OTOG: variants seen among roughly 807,000 people sequenced by gnomAD.
OTOG encodes the protein otogelin.
Under a neutral mutation model 313.8 loss-of-function variants are expected in OTOG, and 296 were observed. That is an observed-to-expected ratio of 0.94 (90% CI 0.86 to 1.04). The LOEUF is 1.04. Ranked by LOEUF, OTOG falls within the 50% of genes least tolerant of loss-of-function variation. The pLI, the probability that OTOG is intolerant of heterozygous loss-of-function variation, is 0.00. For synonymous variants in OTOG, 1,533 were observed against 1,554.9 expected (o/e 0.99, Z 0.33); for missense variants, 3,948 against 3,840.1 (o/e 1.03, Z -0.74).
intron 47 of OTOG, among the ~76,000 whole-genome samples, chr11:17,635,914 T>A (rs1854254782): frequency 6.6e-6 from 1 of 151,906 alleles, no homozygotes; most frequent in Non-Finnish European, 1.5e-5. Context: ...GGGTGGGAGG[T>A]CCAGGCCTGT....
At position 17,559,928 on chromosome 11, in the gene OTOG, GGGAA is replaced by G. The variant is rs748854211; in HGVS notation, c.1342+282_1342+285del. Among the ~76,000 whole-genome samples, 633 of 150,798 alleles carry G rather than the reference GGGAA, an allele frequency of 4.2e-3. 3 individuals carry two copies. Among genetic ancestry groups the G allele is most frequent in the African/African-American group, 0.014 (570 of 40,852 alleles). On this transcript the variant is annotated intron_variant, in intron 12 of 55. Transcript: ENST00000399397. Reference sequence around the variant, plus strand: ...AGGAAGGAAGGAAAGAAGGAAGGGAGGGAAGGAAGGAAGGAAGGAGCAAACAATT... The same window carrying G: ...AGGAAGGAAGGAAAGAAGGAAGGGAGGGAAGGAAGGAAGGAGCAAACAATT...
rs146122543 is a variant in OTOG at position 17,560,026 on chromosome 11, C to T, written c.1342+364C>T. Reference sequence around the variant, plus strand: ...AACTGCAGCCTCTCGAGAGATTCATCAGGACATTTGATTTCATAGGGATAT... The same window carrying T: ...AACTGCAGCCTCTCGAGAGATTCATTAGGACATTTGATTTCATAGGGATAT... On this transcript the variant is annotated intron_variant, in intron 12 of 55. Coordinates refer to ENST00000399397, the MANE Select transcript of OTOG (RefSeq NM_001292063.2). 2.0e-5 allele frequency among the ~76,000 whole-genome samples: 3 copies of T among 152,300 alleles called. No homozygotes were observed. In the East Asian group the frequency reaches 5.8e-4, roughly 29 times the overall value.
chr11:17,611,392 C>T lies in OTOG; in HGVS notation c.6092C>T (p.Thr2031Ile), dbSNP rs545321215. 3.7e-4 allele frequency: 564 copies of T among 1,537,002 alleles called. 1 individual carries two copies. The highest frequency in any genetic ancestry group is 4.6e-4 in the Non-Finnish European group (528 of 1,137,616). ...VEGLAEALAT[T>I]TEANTSTTCV... ...GGTTTGGCGGAGGCTTTGGCAACTA[C>T]CACTGAGGCCAATACATCCACCACC... is the stretch of plus-strand genomic sequence containing the variant. Residue 2031 changes from threonine to isoleucine, a missense_variant, in exon 36 of 56, where the codon ACC becomes ATC. Thr to Ile is a moderately conservative substitution (Grantham distance 89, BLOSUM62 -1). Coordinates refer to ENST00000399397, the MANE Select transcript of OTOG (RefSeq NM_001292063.2).
intron 3 of OTOG, among the ~76,000 whole-genome samples, chr11:17,551,797 G>T (rs1851939881): frequency 6.6e-6 from 1 of 152,158 alleles, no homozygotes; most frequent in African/African-American, 2.4e-5. Flanking sequence ...CTAAGCCTTT[G>T]TTCCTCTGAG....
At chr11:17,592,941 C>G in intron 25 of OTOG, among the ~76,000 whole-genome samples, 1 of 152,144 alleles carries the variant, frequency 6.6e-6, no homozygotes, top group South Asian at 2.1e-4. Flanking sequence ...CACAATCATC[C>G]CTATTATATA....
At chr11:17,603,701 G>T (rs1853311707) in intron 32 of OTOG, among the ~76,000 whole-genome samples, 1 of 152,190 alleles carries the variant, frequency 6.6e-6, no homozygotes, top group Non-Finnish European at 1.5e-5. Context: ...GTGGCTGCAT[G>T]GAGGAGGTGT....
At position 17,645,648 on chromosome 11, in the gene OTOG, G is replaced by C; in HGVS notation, c.8541+5G>C. On this transcript the variant is annotated splice_donor_5th_base_variant and intron_variant, in intron 55 of 55. Transcript: ENST00000399397. ...GAATGCAGGAGCAGCACCCCTGTGC[G>C]TGGTGCCCACAAGGCAGTGGGGCAG... is the stretch of plus-strand genomic sequence containing the variant. 6.4e-7 allele frequency: 1 copy of C among 1,550,708 alleles called. No homozygotes were observed. Among genetic ancestry groups the C allele is most frequent in the Non-Finnish European group, 8.7e-7 (1 of 1,147,008 alleles).
At chr11:17,635,032 G>A (rs1854229441) in intron 45 of OTOG, 48 bp from the exon 46 acceptor site, 2 of 1,535,198 alleles carry the variant, frequency 1.3e-6, no homozygotes, top group East Asian at 4.9e-5. Flanking sequence ...GCCCAGGGGT[G>A]GCCAGGCAGG....
chr11:17,619,619 A>G (rs1021410358), intron 39 of OTOG, among the ~76,000 whole-genome samples: 10 of 152,106 alleles, frequency 6.6e-5, no homozygotes, highest in Admixed American at 6.5e-4. Flanking sequence ...CAGACTAGCT[A>G]CAAATAATAT....
At chr11:17,640,871 C>A in intron 50 of OTOG, 42 bp from the exon 51 acceptor site, 1 of 1,549,608 alleles carries the variant, frequency 6.5e-7, no homozygotes, top group Non-Finnish European at 8.7e-7. Context: ...GCATGGGTGC[C>A]TGGGCTCTGG....
chr11:17,596,849 A>C lies in OTOG; in HGVS notation c.3526-2A>C, dbSNP rs1419388679. The C allele has an allele frequency of 1.3e-6, 2 of 1,550,766 alleles. No homozygotes were observed. The highest frequency in any genetic ancestry group is 1.7e-6 in the Non-Finnish European group (2 of 1,146,946). On this transcript the variant is annotated splice_acceptor_variant, in intron 29 of 55. Transcript: ENST00000399397. LOFTEE classifies it high-confidence loss of function. ...TGACCTCTAACTTCTGACCTTCTCC[A>C]GGTTGATGTCACTTGGTTTTACTCA...
intron 39 of OTOG, among the ~76,000 whole-genome samples, chr11:17,616,257 A>C (rs1166574027): frequency 1.3e-5 from 2 of 152,212 alleles, no homozygotes; most frequent in Admixed American, 1.3e-4. Context: ...GGGTCTCACT[A>C]TGTTGCCCAG....
At chr11:17,620,527 A>C (rs1050331833) in intron 39 of OTOG, among the ~76,000 whole-genome samples, 1 of 152,116 alleles carries the variant, frequency 6.6e-6, no homozygotes, top group Non-Finnish European at 1.5e-5. Context: ...ATTTTTGGCT[A>C]TTTTGAATAG....
intron 7 of OTOG, 69 bp downstream of exon 7, chr11:17,555,966 C>G: frequency 8.1e-7 from 1 of 1,236,000 alleles, no homozygotes; most frequent in Non-Finnish European, 1.2e-6. Context: ...GGGTGAGCAT[C>G]CGCTCTTCTC....
Position 17,629,373 on chromosome 11 carries a change from C to A in OTOG, c.6712+57C>A, listed in dbSNP as rs75199341. 1.6e-3 allele frequency: 2,291 copies of A among 1,477,760 alleles called. 29 individuals are homozygous for A. The African/African-American group carries it at 0.029, about 19-fold the overall frequency. 91.5% of individuals were successfully genotyped at this position (1,477,760 alleles called of 1,614,324 possible). ...TGCTTCCCAGGTCCACCTCTGCCCCCACACATAATTCCTCCTGGAGCAGGA... is the reference window on the plus strand; with the variant it reads ...TGCTTCCCAGGTCCACCTCTGCCCCAACACATAATTCCTCCTGGAGCAGGA... On this transcript the variant is annotated intron_variant, in intron 40 of 55. Coordinates refer to ENST00000399397, the MANE Select transcript of OTOG (RefSeq NM_001292063.2).
rs201371081 is a variant in OTOG, at chr11:17,612,617, C to G, written c.6293-3C>G. Reference sequence around the variant, plus strand: ...TTCTTCTTGTGCCCTGCCCCTCCCCCAGGCCGGTGCTCAATCTTCCCTGAC... The same window carrying G: ...TTCTTCTTGTGCCCTGCCCCTCCCCGAGGCCGGTGCTCAATCTTCCCTGAC... On this transcript the variant is annotated splice_region_variant and splice_polypyrimidine_tract_variant and intron_variant, in intron 37 of 55. Coordinates refer to ENST00000399397, the MANE Select transcript of OTOG (RefSeq NM_001292063.2). 17 of 1,549,608 alleles carry G rather than the reference C, an allele frequency of 1.1e-5. No homozygotes were observed. The highest frequency in any genetic ancestry group is 1.7e-4 in the Middle Eastern group (1 of 5,964).
chr11:17,549,560 G>A (rs1240334245), intron 3 of OTOG, among the ~76,000 whole-genome samples: 4 of 152,312 alleles, frequency 2.6e-5, no homozygotes, highest in South Asian at 4.1e-4. Context: ...GAGGTGGGTG[G>A]ATGACTTGTG....
At position 17,570,426 on chromosome 11, in the gene OTOG, G is replaced by C. The variant is rs550032210; in HGVS notation, c.1955+36G>C. ...CTGCCACGGAACCCGAAGAAGAGGG[G>C]AAATGGGCCCCTTAGGGCTGGGTAT... is the stretch of plus-strand genomic sequence containing the variant. On this transcript the variant is annotated intron_variant, in intron 17 of 55. Coordinates refer to ENST00000399397, the MANE Select transcript of OTOG (RefSeq NM_001292063.2). 9.4e-5 allele frequency: 146 copies of C among 1,545,698 alleles called. 2 individuals carry two copies. The South Asian group carries it at 1.6e-3, about 17-fold the overall frequency.
intron 28 of OTOG, among the ~76,000 whole-genome samples, chr11:17,595,058 C>G (rs985989272): frequency 6.6e-6 from 1 of 152,282 alleles, no homozygotes; most frequent in South Asian, 2.1e-4. Context: ...TCTTAATGCC[C>G]TGCTGGGAAG....
Sources: allele counts gnomAD v4.1 joint callset (sites outside exome capture counted in the v4.1 genomes callset), GRCh38; gene constraint gnomAD v4.1.1; transcripts MANE v1.5; gene names NCBI Gene and HGNC (gene_info 2026-07-23, HGNC 2026-07-21).